BTLA: variants seen among roughly 807,000 people sequenced by gnomAD.
BTLA encodes B- and T-lymphocyte attenuator.
A neutral mutation model predicts 25.0 loss-of-function variants in BTLA; 11 were observed. The observed-to-expected ratio is 0.44, with a 90% CI of 0.28 to 0.73. The LOEUF is 0.73. BTLA is among the 30% of genes least tolerant of loss of function. The probability of loss-of-function intolerance (pLI) is 0.15; values close to 1 mark genes in which losing one functional copy is unlikely to be tolerated. For missense variants in BTLA, 282 were observed against 332.8 expected, an observed-to-expected ratio of 0.85 and a Z score of 1.19; for synonymous variants, 104 against 119.8, an observed-to-expected ratio of 0.87 and a Z score of 0.86.
intron 2 of BTLA, among the ~76,000 whole-genome samples, chr3:112,475,680 T>C (rs1412883296): frequency 6.6e-6 from 1 of 152,216 alleles, no homozygotes; most frequent in Non-Finnish European, 1.5e-5. Flanking sequence ...AATTCATGTC[T>C]CGTATAGAAG....
chr3:112,485,230 G>A (rs2705569), intron 1 of BTLA, among the ~76,000 whole-genome samples: 141,318 of 151,966 alleles, frequency 0.93, 66,498 homozygotes, highest in Non-Finnish European at 1. Flanking sequence ...TTTTTAGTAG[G>A]GACGGGGTTT....
At chr3:112,484,800 C>T (rs1365428490) in intron 1 of BTLA, among the ~76,000 whole-genome samples, 3 of 152,106 alleles carry the variant, frequency 2.0e-5, no homozygotes, top group Non-Finnish European at 4.4e-5. Context: ...ATTGCAGTTC[C>T]TAAATATTCT....
At chr3:112,484,320 A>C (rs1044146137) in intron 1 of BTLA, among the ~76,000 whole-genome samples, 16 of 152,196 alleles carry the variant, frequency 1.1e-4, no homozygotes, top group Admixed American at 2.0e-4. Context: ...TACAATGCCT[A>C]ATTTTGGGGG....
At chr3:112,489,656 A>G (rs185900463) in intron 1 of BTLA, among the ~76,000 whole-genome samples, 145 of 152,338 alleles carry the variant, frequency 9.5e-4, no homozygotes, top group Non-Finnish European at 1.8e-3. Flanking sequence ...CTAACGGTAT[A>G]ATAAACCAAT....
At chr3:112,484,014 G>A (rs147530303) in intron 1 of BTLA, among the ~76,000 whole-genome samples, 141 of 152,180 alleles carry the variant, frequency 9.3e-4, no homozygotes, top group African/African-American at 3.2e-3. Flanking sequence ...GTCTGCAGAA[G>A]GTTAACTTCA....
chr3:112,496,996 G>A (rs939894554), intron 1 of BTLA, among the ~76,000 whole-genome samples: 1 of 152,270 alleles, frequency 6.6e-6, no homozygotes, highest in East Asian at 1.9e-4. Flanking sequence ...CCAAAGTGCT[G>A]AGACTAAAGG....
intron 3 of BTLA, 126 bp from the exon 4 acceptor site, chr3:112,469,930 G>C: frequency 2.9e-6 from 2 of 699,520 alleles, no homozygotes; most frequent in Non-Finnish European, 5.0e-6. Context: ...TTGTTAATTT[G>C]CTTTGCCTAG....
At chr3:112,469,389 G>A (rs2082247630) in intron 4 of BTLA, among the ~76,000 whole-genome samples, 1 of 151,812 alleles carries the variant, frequency 6.6e-6, no homozygotes, top group Admixed American at 6.6e-5. Context: ...AAGACCTTAA[G>A]GTGTTTACAT....
chr3:112,480,619 A>G (rs1318072339), intron 1 of BTLA, among the ~76,000 whole-genome samples: 1 of 152,206 alleles, frequency 6.6e-6, no homozygotes, highest in African/African-American at 2.4e-5. Flanking sequence ...AATGGGGGCC[A>G]AAATTTATCC....
intron 1 of BTLA, among the ~76,000 whole-genome samples, chr3:112,481,473 A>G (rs949667545): frequency 1.3e-5 from 2 of 152,228 alleles, no homozygotes; most frequent in African/African-American, 4.8e-5. Context: ...CCATGGCTGG[A>G]GCAGCTAAGG....
chr3:112,475,797 T>C lies in BTLA; in HGVS notation c.403+3658A>G, dbSNP rs564701305. ...TTTTATTATACATTATGTTAATATATTATATAAATTAGTTAATAGCACTTA... is the reference window on the plus strand; with the variant it reads ...TTTTATTATACATTATGTTAATATACTATATAAATTAGTTAATAGCACTTA... On this transcript the variant is annotated intron_variant, in intron 2 of 4. Coordinates refer to ENST00000334529, the MANE Select transcript of BTLA (RefSeq NM_181780.4). Among the ~76,000 whole-genome samples, 178 of 152,104 alleles carry C rather than the reference T, an allele frequency of 1.2e-3. 1 individual carries two copies. Among genetic ancestry groups the C allele is most frequent in the African/African-American group, 4.2e-3 (173 of 41,540 alleles).
intron 4 of BTLA, among the ~76,000 whole-genome samples, chr3:112,467,645 C>T (rs2082237520): frequency 6.6e-6 from 1 of 152,144 alleles, no homozygotes; most frequent in African/African-American, 2.4e-5. Context: ...CTGGCTTTAC[C>T]CTGAGAAGCT....
chr3:112,498,382 G>A (rs985565641), intron 1 of BTLA, among the ~76,000 whole-genome samples: 1 of 152,016 alleles, frequency 6.6e-6, no homozygotes, highest in South Asian at 2.1e-4. Context: ...GCAGTGAGGC[G>A]GGATCACGCC....
chr3:112,492,344 G>A (rs979014211), intron 1 of BTLA, among the ~76,000 whole-genome samples: 1 of 152,186 alleles, frequency 6.6e-6, no homozygotes, highest in Non-Finnish European at 1.5e-5. Context: ...CTTCAGAGAG[G>A]CTAAATTTTC....
At chr3:112,479,872 C>A in intron 1 of BTLA, 103 bp from the exon 2 acceptor site, 1 of 943,828 alleles carries the variant, frequency 1.1e-6, no homozygotes, top group Non-Finnish European at 1.6e-6. Flanking sequence ...TTTTCAAAAA[C>A]AACCCCCCAA....
Position 112,465,857 on chromosome 3 carries a change from C to T in BTLA, c.*251G>A. On this transcript the variant is annotated 3_prime_UTR_variant, in exon 5 of 5. Transcript: ENST00000334529. ...TAAGTTTAAACGTTCTACTATTCTG[C>T]TACTCATGATGTCAACCAGTTTTGG... 2.8e-6 allele frequency: 1 copy of T among 354,986 alleles called. No homozygotes were observed. Among genetic ancestry groups the T allele is most frequent in the Admixed American group, 4.6e-5 (1 of 21,686 alleles). 22.0% of individuals were successfully genotyped at this position (354,986 alleles called of 1,614,324 possible).
chr3:112,480,517 G>C (rs2082312417), intron 1 of BTLA, among the ~76,000 whole-genome samples: 1 of 152,214 alleles, frequency 6.6e-6, no homozygotes, highest in Non-Finnish European at 1.5e-5. Context: ...GGAAGTCCAA[G>C]AGCATGGTGC....
chr3:112,467,892 A>C (rs761222372), intron 4 of BTLA, among the ~76,000 whole-genome samples: 1 of 152,214 alleles, frequency 6.6e-6, no homozygotes, highest in Non-Finnish European at 1.5e-5. Flanking sequence ...GATACTTTTC[A>C]ATCTGTTTAA....
At chr3:112,473,611 CTTTTTTTTT>C (rs777897332) in intron 2 of BTLA, among the ~76,000 whole-genome samples, 11 of 115,152 alleles carry the variant, frequency 9.6e-5, no homozygotes, top group African/African-American at 3.7e-4. Context: ...TTTTCTTCTT[CTTTTTTTTT>C]TTTTTTTTTT....
Sources: allele counts gnomAD v4.1 joint callset (sites outside exome capture counted in the v4.1 genomes callset), GRCh38; gene constraint gnomAD v4.1.1; transcripts MANE v1.5; gene names NCBI Gene and HGNC (gene_info 2026-07-23, HGNC 2026-07-21).